CPEB2: variants seen among roughly 807,000 people sequenced by gnomAD.
CPEB2 encodes cytoplasmic polyadenylation element-binding protein 2.
CPEB2 carries 56 observed loss-of-function variants against 93.6 expected under a neutral mutation model. That is an observed-to-expected ratio of 0.60 (90% CI 0.48 to 0.75). The LOEUF is 0.75. CPEB2 is among the 30% of genes least tolerant of loss of function. The probability of loss-of-function intolerance (pLI) is 0.00; values close to 1 mark genes in which losing one functional copy is unlikely to be tolerated. For missense variants in CPEB2, 1,579 were observed against 1,395.1 expected, an observed-to-expected ratio of 1.13 and a Z score of -2.10; for synonymous variants, 764 against 586.3, an observed-to-expected ratio of 1.30 and a Z score of -4.38.
At chr4:15,051,888 C>T (rs1447971066) in intron 6 of CPEB2, among the ~76,000 whole-genome samples, 2 of 152,342 alleles carry the variant, frequency 1.3e-5, no homozygotes, top group African/African-American at 2.4e-5. Context: ...CTATTTTGCA[C>T]ATGTGCGGAA....
intron 6 of CPEB2, among the ~76,000 whole-genome samples, chr4:15,049,576 A>G (rs973085556): frequency 1.3e-5 from 2 of 152,150 alleles, no homozygotes; most frequent in African/African-American, 4.8e-5. Flanking sequence ...TTTTTAGTGG[A>G]CCTTGATGTT....
At position 15,002,528 on chromosome 4, in the gene CPEB2, A is replaced by G; in HGVS notation, c.-146A>G. 1.2e-5 allele frequency: 7 copies of G among 575,638 alleles called. No homozygotes were observed. The highest frequency in any genetic ancestry group is 1.9e-5 in the Non-Finnish European group (7 of 364,288). The allele number at this position is 575,638 out of a possible 1,614,324, so 35.7% of individuals were successfully genotyped here. ...TCGCCGCGAGGGGTGGTGGGGCCGA[A>G]GTCGGTGCCCCCTGGCTCAGTCACG... On this transcript the variant is annotated 5_prime_UTR_variant, in exon 1 of 12. Transcript: ENST00000538197.
chr4:15,055,594 T>G (rs1728638527), intron 8 of CPEB2, among the ~76,000 whole-genome samples: 1 of 152,214 alleles, frequency 6.6e-6, no homozygotes, highest in Admixed American at 6.5e-5. Context: ...CTAGCCCTCT[T>G]CAGTTTTCTC....
At chr4:15,011,402 T>G (rs1374299570) in intron 3 of CPEB2, among the ~76,000 whole-genome samples, 1 of 152,160 alleles carries the variant, frequency 6.6e-6, no homozygotes, top group South Asian at 2.1e-4. Context: ...GCCTGGCCAG[T>G]ATATCTACAT....
At position 15,003,891 on chromosome 4, in the gene CPEB2, G is replaced by T; in HGVS notation, c.1218G>T (p.Pro406=). The change falls in exon 1 of 12, where the codon CCG becomes CCT. Residue 406 remains proline (P), a synonymous_variant. Transcript: ENST00000538197. ...CGCCGACCCAGCCGCAGCAGCAGCC[G>T]CCGCCACCCCAGCAGCCGCCCCAGC... ...QPPPTQPQQQ[P]PPPQQPPQPQ... 1.1e-6 allele frequency: 1 copy of T among 899,750 alleles called. No homozygotes were observed. The allele number at this position is 899,750 out of a possible 1,614,324, so 55.7% of individuals were successfully genotyped here.
chr4:15,051,267 T>A (rs1056669135), intron 6 of CPEB2, among the ~76,000 whole-genome samples: 3 of 152,198 alleles, frequency 2.0e-5, no homozygotes, highest in African/African-American at 7.2e-5. Context: ...GTATCTAGTT[T>A]ATTATCTTCA....
intron 5 of CPEB2, among the ~76,000 whole-genome samples, chr4:15,039,596 G>T (rs1444014930): frequency 6.6e-6 from 1 of 151,842 alleles, no homozygotes; most frequent in Non-Finnish European, 1.5e-5. Context: ...TTGTGGGGAG[G>T]AGTTCTTTTA....
At chr4:15,017,306 T>C in intron 4 of CPEB2, 28 bp downstream of exon 4, 1 of 1,194,192 alleles carries the variant, frequency 8.4e-7, no homozygotes, top group South Asian at 1.3e-5. Flanking sequence ...AAAATATATG[T>C]TTATATTATA....
At chr4:15,023,382 G>A (rs569792653) in intron 4 of CPEB2, among the ~76,000 whole-genome samples, 23 of 151,914 alleles carry the variant, frequency 1.5e-4, no homozygotes, top group Non-Finnish European at 2.8e-4. Flanking sequence ...TTTTTAAAGT[G>A]TTTGTTTTCC....
chr4:15,040,351 A>C (rs1727045839), intron 5 of CPEB2, 113 bp from the exon 6 acceptor site: 1 of 920,654 alleles, frequency 1.1e-6, no homozygotes, highest in Admixed American at 2.2e-5. Flanking sequence ...CTCTTAAAAC[A>C]AAGTAGCACT....
At chr4:15,033,339 A>G in intron 5 of CPEB2, 128 bp downstream of exon 5, 1 of 664,766 alleles carries the variant, frequency 1.5e-6, no homozygotes, top group South Asian at 1.8e-5. Context: ...AGTTACAACT[A>G]TTCCTATGCA....
rs140025656 is a variant in CPEB2, at chr4:15,037,781, GTTC to G, written c.2177-2679_2177-2677del. Among the ~76,000 whole-genome samples, 1,169 of 152,150 alleles carry G rather than the reference GTTC, an allele frequency of 7.7e-3. 15 individuals carry two copies. Among genetic ancestry groups the G allele is most frequent in the African/African-American group, 0.027 (1,109 of 41,504 alleles). On this transcript the variant is annotated intron_variant, in intron 5 of 11. Transcript: ENST00000538197. ...GTTGTTTTTACAACACTTCATAAGTGTTCTTCATTTTTATACAAGTTTTTCCTT... is the reference window on the plus strand; with the variant it reads ...GTTGTTTTTACAACACTTCATAAGTGTTCATTTTTATACAAGTTTTTCCTT...
In CPEB2 at chr4:15,050,128, C is replaced by A. The variant is rs942921897; in HGVS notation, c.2201-2286C>A. On this transcript the variant is annotated intron_variant, in intron 6 of 11. Coordinates refer to ENST00000538197, the MANE Select transcript of CPEB2 (RefSeq NM_001177382.2). ...TACTGGTCCATGGTCTGTTAGGAAC[C>A]AGGCCACACAGCAGGAGGTGAGTGG... Among the ~76,000 whole-genome samples, 5 of 152,176 alleles carry A rather than the reference C, an allele frequency of 3.3e-5. 1 individual carries two copies. The highest frequency in any genetic ancestry group is 7.3e-5 in the Non-Finnish European group (5 of 68,028).
chr4:15,062,051 T>C (rs1560256411), intron 10 of CPEB2, 28 bp from the exon 11 acceptor site: 1 of 1,555,230 alleles, frequency 6.4e-7, no homozygotes, highest in Admixed American at 1.8e-5. Context: ...TCTCTCACAT[T>C]TGATGTAAAC....
chr4:15,005,381 G>A (rs995228233), intron 1 of CPEB2, among the ~76,000 whole-genome samples: 4 of 152,206 alleles, frequency 2.6e-5, no homozygotes, highest in African/African-American at 9.6e-5. Context: ...TTTTAAGTAG[G>A]TAATATTGTG....
At chr4:15,043,316 A>G (rs1727359057) in intron 6 of CPEB2, among the ~76,000 whole-genome samples, 1 of 152,202 alleles carries the variant, frequency 6.6e-6, no homozygotes, top group Non-Finnish European at 1.5e-5. Flanking sequence ...AGTAGTAGTT[A>G]AGAAAAGCAG....
chr4:15,010,231 A>G (rs1329908500), intron 3 of CPEB2, among the ~76,000 whole-genome samples: 2 of 152,170 alleles, frequency 1.3e-5, no homozygotes, highest in Non-Finnish European at 2.9e-5. Context: ...CAGTTTCCTT[A>G]TCTGTAAAAG....
chr4:15,051,267 T>C (rs1056669135), intron 6 of CPEB2, among the ~76,000 whole-genome samples: 1 of 152,198 alleles, frequency 6.6e-6, no homozygotes, highest in African/African-American at 2.4e-5. Flanking sequence ...GTATCTAGTT[T>C]ATTATCTTCA....
At chr4:15,008,183 G>T (rs770770083) in intron 2 of CPEB2, among the ~76,000 whole-genome samples, 155 bp from the exon 3 acceptor site, 3 of 151,988 alleles carry the variant, frequency 2.0e-5, no homozygotes, top group Non-Finnish European at 4.4e-5. Flanking sequence ...TTGCAAGTGA[G>T]GTTTTTGTTT....
Sources: allele counts gnomAD v4.1 joint callset (sites outside exome capture counted in the v4.1 genomes callset), GRCh38; gene constraint gnomAD v4.1.1; transcripts MANE v1.5; gene names NCBI Gene and HGNC (gene_info 2026-07-23, HGNC 2026-07-21).